The following DNAH6 variants were observed in gnomAD, a reference collection of about 807,000 sequenced individuals.
DNAH6 encodes axonemal beta dynein heavy chain 6.
A neutral mutation model predicts 491.4 loss-of-function variants in DNAH6; 340 were observed. The observed-to-expected ratio is 0.69, with a 90% CI of 0.63 to 0.76. DNAH6 has a LOEUF of 0.76. Ranked by LOEUF, DNAH6 falls within the 30% of genes least tolerant of loss-of-function variation. DNAH6 has a pLI of 0.00. For synonymous variants in DNAH6, 1,603 were observed against 1,686.1 expected (o/e 0.95, Z 1.21); for missense variants, 4,443 against 4,972.2 (o/e 0.89, Z 3.20).
Position 84,802,588 on chromosome 2 carries a change from C to T in DNAH6, c.11482-3077C>T, listed in dbSNP as rs561329437. Among the ~76,000 whole-genome samples, 66 of 151,908 alleles carry T rather than the reference C, an allele frequency of 4.3e-4. No homozygotes were observed. The South Asian group carries it at 7.7e-3, about 18-fold the overall frequency. On this transcript the variant is annotated intron_variant, in intron 70 of 76. Transcript: ENST00000389394. ...CTACCTAAGAAAAGACTTTTACAGCCGCACAATAATCAGAGGAGCAGGGGG... is the reference window on the plus strand; with the variant it reads ...CTACCTAAGAAAAGACTTTTACAGCTGCACAATAATCAGAGGAGCAGGGGG...
At chr2:84,655,031 G>C (rs1690809382) in intron 35 of DNAH6, among the ~76,000 whole-genome samples, 1 of 151,862 alleles carries the variant, frequency 6.6e-6, no homozygotes, top group South Asian at 2.1e-4. Context: ...TATTCTGCCT[G>C]GCTTCTCCCC....
intron 14 of DNAH6, among the ~76,000 whole-genome samples, chr2:84,583,487 T>C (rs1683241497): frequency 6.6e-6 from 1 of 152,244 alleles, no homozygotes; most frequent in Non-Finnish European, 1.5e-5. Context: ...TCCAGCAGGC[T>C]TTAGCCAATT....
chr2:84,554,514 G>T (rs577778458), intron 10 of DNAH6, among the ~76,000 whole-genome samples: 41 of 152,274 alleles, frequency 2.7e-4, no homozygotes, highest in Middle Eastern at 3.4e-3. Context: ...TAGTAATCAG[G>T]ATCTCTAGAT....
chr2:84,627,489 T>A (rs1044776730), intron 29 of DNAH6, among the ~76,000 whole-genome samples: 1 of 152,210 alleles, frequency 6.6e-6, no homozygotes, highest in Non-Finnish European at 1.5e-5. Flanking sequence ...TGTATTCTAG[T>A]GTGCATTTTG....
chr2:84,629,599 T>C (rs1194570112), intron 29 of DNAH6, among the ~76,000 whole-genome samples: 1 of 152,232 alleles, frequency 6.6e-6, no homozygotes, highest in Non-Finnish European at 1.5e-5. Flanking sequence ...TTTAAATTGA[T>C]TAATAGTGTT....
At chr2:84,620,063 T>C (rs1284774092) in intron 24 of DNAH6, among the ~76,000 whole-genome samples, 159 bp downstream of exon 24, 1 of 152,144 alleles carries the variant, frequency 6.6e-6, no homozygotes, top group Non-Finnish European at 1.5e-5. Context: ...AACAGAGAAG[T>C]AGTGGAACAA....
At chr2:84,583,266 G>A (rs1406442850) in intron 14 of DNAH6, among the ~76,000 whole-genome samples, 4 of 152,096 alleles carry the variant, frequency 2.6e-5, no homozygotes, top group African/African-American at 9.7e-5. Context: ...GGCTGCTCTG[G>A]GATGATCACT....
chr2:84,627,835 T>A (rs941205401), intron 29 of DNAH6, among the ~76,000 whole-genome samples: 16 of 152,216 alleles, frequency 1.1e-4, no homozygotes, highest in Non-Finnish European at 2.1e-4. Context: ...GCTAATTTTC[T>A]TGTATTTGTT....
chr2:84,569,931 G>A (rs1027436579), intron 11 of DNAH6, among the ~76,000 whole-genome samples: 2 of 152,096 alleles, frequency 1.3e-5, no homozygotes, highest in South Asian at 2.1e-4. Context: ...AAAGAAATGT[G>A]TAGGGTTTTG....
In DNAH6 at chr2:84,584,000, T is replaced by A. The variant is rs1292374558; in HGVS notation, c.2231T>A (p.Ile744Asn). The change falls in exon 15 of 77, where the codon ATT becomes AAT. Residue 744 changes from isoleucine to asparagine, a missense_variant and splice_region_variant. Ile to Asn is a moderately radical substitution (Grantham distance 149, BLOSUM62 -3). Coordinates refer to ENST00000389394, the MANE Select transcript of DNAH6 (RefSeq NM_001370.2). ...LLFLDEIQER[I>N]ESLEDEGNIV... ...TGAGCAAACTATGTTTCCATTTAGA[T>A]TGAAAGCCTTGAAGATGAGGGGAAT... The A allele has an allele frequency of 6.2e-7, 1 of 1,612,538 alleles. No homozygotes were observed. The highest frequency in any genetic ancestry group is 8.5e-7 in the Non-Finnish European group (1 of 1,179,158).
At chr2:84,478,424 A>G in the DNAH6 span, among the ~76,000 whole-genome samples, 1 of 152,136 alleles carries the variant, frequency 6.6e-6, no homozygotes, top group Non-Finnish European at 1.5e-5. Context: ...ACTTTCTGAA[A>G]TGCACCTACA....
rs1420598111 is a variant in DNAH6 at position 84,681,408 on chromosome 2, G to A, written c.6796G>A (p.Ala2266Thr). The A allele has an allele frequency of 1.3e-6, 2 of 1,551,358 alleles. No homozygotes were observed. The highest frequency in any genetic ancestry group is 1.7e-6 in the Non-Finnish European group (2 of 1,146,772). ...CTTTCCACCAGCTGTAAAGCAAACT[G>A]CATCAAGCATTGTAGAAGCCTCAGT... ...SDFPPAVKQT[A>T]SSIVEASVEI... Residue 2266 changes from alanine to threonine, a missense_variant, in exon 42 of 77, where the codon GCA becomes ACA. Ala to Thr is a moderately conservative substitution (Grantham distance 58). Around this residue, in one of 3 missense-constraint regions of DNAH6, gnomAD observed 2,977 missense variants for 3,296.6 expected, o/e 0.90. Transcript: ENST00000389394.
At chr2:84,793,298 T>C (rs1677964613) in intron 68 of DNAH6, among the ~76,000 whole-genome samples, 1 of 152,186 alleles carries the variant, frequency 6.6e-6, no homozygotes, top group Non-Finnish European at 1.5e-5. Flanking sequence ...GAAAGTGAGC[T>C]GTGAGTCATC....
chr2:84,643,056 A>G lies in DNAH6; in HGVS notation c.5078+1002A>G, dbSNP rs1286848027. Reference sequence around the variant, plus strand: ...CTGCTTTTAACATTTCTTGCAAGGCAAGGCTACTGGCAACAAATTTTCTCA... The same window carrying G: ...CTGCTTTTAACATTTCTTGCAAGGCGAGGCTACTGGCAACAAATTTTCTCA... On this transcript the variant is annotated intron_variant, in intron 33 of 76. Transcript: ENST00000389394. 3.9e-5 allele frequency among the ~76,000 whole-genome samples: 6 copies of G among 152,148 alleles called. No homozygotes were observed. The East Asian group carries it at 1.2e-3, about 29-fold the overall frequency.
At chr2:84,792,761 T>C (rs915152084) in intron 68 of DNAH6, among the ~76,000 whole-genome samples, 1 of 152,184 alleles carries the variant, frequency 6.6e-6, no homozygotes, top group Admixed American at 6.5e-5. Context: ...GCAATTATGG[T>C]CTTTTAGGTT....
intron 70 of DNAH6, among the ~76,000 whole-genome samples, chr2:84,801,841 G>A (rs764157776): frequency 3.7e-4 from 56 of 149,710 alleles, no homozygotes; most frequent in Middle Eastern, 3.4e-3. Flanking sequence ...CTGAGATCAC[G>A]CCATTGCACT....
chr2:84,548,396 A>G lies in DNAH6; in HGVS notation c.1295A>G (p.His432Arg). The change falls in exon 8 of 77, where the codon CAT (histidine) becomes CGT (arginine). Residue 432 changes from histidine to arginine, a missense_variant. His to Arg is a conservative substitution (Grantham distance 29). Around this residue, in one of 3 missense-constraint regions of DNAH6, gnomAD observed 2,977 missense variants for 3,296.6 expected, o/e 0.90. Coordinates refer to ENST00000389394, the MANE Select transcript of DNAH6 (RefSeq NM_001370.2). The part of the protein sequence containing the change: ...MTYTEQASKR[H>R]YCMRLTCFIR... ...TATACAGAACAGGCCAGCAAAAGGC[A>G]TTATTGCATGAGGCTGACGTGGTAA... 1 of 1,613,996 alleles carries G rather than the reference A, an allele frequency of 6.2e-7. No individual in the cohort carries two copies.
At position 84,713,080 on chromosome 2, in the gene DNAH6, G is replaced by C; in HGVS notation, c.9379-15G>C. On this transcript the variant is annotated splice_polypyrimidine_tract_variant and intron_variant, in intron 56 of 76. Coordinates refer to ENST00000389394, the MANE Select transcript of DNAH6 (RefSeq NM_001370.2). Reference sequence around the variant, plus strand: ...GCTTCTTTTTGTATTGTCCTGTTTTGTTTTAATTTCTAAGCTTAAGGAAAC... The same window carrying C: ...GCTTCTTTTTGTATTGTCCTGTTTTCTTTTAATTTCTAAGCTTAAGGAAAC... 1.3e-6 allele frequency: 2 copies of C among 1,545,034 alleles called. No individual in the cohort carries two copies. The highest frequency in any genetic ancestry group is 1.7e-6 in the Non-Finnish European group (2 of 1,144,440).
chr2:84,697,776 T>A, intron 47 of DNAH6, 49 bp downstream of exon 47: 2 of 1,546,630 alleles, frequency 1.3e-6, no homozygotes. Flanking sequence ...AAACGTTTCT[T>A]CACCTTTTAT....
Sources: allele counts gnomAD v4.1 joint callset (sites outside exome capture counted in the v4.1 genomes callset), GRCh38; gene constraint gnomAD v4.1.1; regional missense constraint gnomAD v4.1.1; transcripts MANE v1.5; gene names NCBI Gene and HGNC (gene_info 2026-07-23, HGNC 2026-07-21).